Variants in NCF2 observed in about 807,000 individuals in gnomAD.
NCF2 encodes neutrophil cytosolic factor 2, also known as neutrophil cytosol factor 2.
NCF2 carries 45 observed loss-of-function variants against 70.9 expected under a neutral mutation model. That is an observed-to-expected ratio of 0.63 (90% CI 0.50 to 0.81). The LOEUF (loss-of-function observed/expected upper bound fraction) is 0.81, where lower values mean the gene tolerates loss of function less well. NCF2 is among the 40% of genes least tolerant of loss of function. The pLI is 0.00. For missense variants in NCF2, 522 were observed against 631.6 expected (o/e 0.83, Z 1.86); for synonymous variants, 203 against 233.6 (o/e 0.87, Z 1.19).
At chr1:183,582,288 A>G (rs1673154473) in intron 2 of NCF2, among the ~76,000 whole-genome samples, 1 of 152,206 alleles carries the variant, frequency 6.6e-6, no homozygotes, top group Non-Finnish European at 1.5e-5. Context: ...AGGTGCTGGC[A>G]GCTTCCTGCA....
chr1:183,569,440 C>T (rs1406653757), intron 6 of NCF2, among the ~76,000 whole-genome samples: 1 of 152,180 alleles, frequency 6.6e-6, no homozygotes, highest in East Asian at 1.9e-4. Flanking sequence ...GAGCTAGTTT[C>T]TGGAGGTTAG....
chr1:183,584,901 T>TA (rs1017939665), intron 2 of NCF2, among the ~76,000 whole-genome samples: 9 of 151,534 alleles, frequency 5.9e-5, no homozygotes, highest in African/African-American at 1.7e-4. Flanking sequence ...AAATTAAAAT[T>TA]AAAAAAAGAA....
At chr1:183,563,699 A>T (rs1672181485) in intron 11 of NCF2, 114 bp from the exon 12 acceptor site, 5 of 1,312,324 alleles carry the variant, frequency 3.8e-6, no homozygotes, top group Non-Finnish European at 5.4e-6. Flanking sequence ...AGCAGGGGAG[A>T]GGCCAGTAAG....
At chr1:183,575,688 T>G (rs1169541999) in intron 3 of NCF2, among the ~76,000 whole-genome samples, 1 of 152,164 alleles carries the variant, frequency 6.6e-6, no homozygotes, top group Non-Finnish European at 1.5e-5. Flanking sequence ...GTCTTGCTCT[T>G]GGGTCACTTG....
At chr1:183,589,537 TTGAG>T (rs1389343094) in intron 1 of NCF2, among the ~76,000 whole-genome samples, 34 of 152,330 alleles carry the variant, frequency 2.2e-4, no homozygotes, top group African/African-American at 7.5e-4. Context: ...ACTATGGTAT[TTGAG>T]TGAGAAAACA....
At chr1:183,576,036 C>T (rs774337221) in intron 3 of NCF2, among the ~76,000 whole-genome samples, 28 of 152,208 alleles carry the variant, frequency 1.8e-4, no homozygotes, top group Admixed American at 5.2e-4. Context: ...TGGTTCTCAG[C>T]CACCTTCTCT....
intron 2 of NCF2, among the ~76,000 whole-genome samples, chr1:183,578,525 C>T (rs755115727): frequency 3.3e-5 from 5 of 151,998 alleles, no homozygotes; most frequent in Admixed American, 1.3e-4. Context: ...CCACCACGCC[C>T]GGCTAATTTT....
chr1:183,564,269 A>T (rs1672209574), intron 10 of NCF2, among the ~76,000 whole-genome samples: 1 of 152,002 alleles, frequency 6.6e-6, no homozygotes, highest in Admixed American at 6.6e-5. Context: ...ATAGGTAATT[A>T]CCAAAGGACC....
rs1672329290 is a variant in NCF2, at chr1:183,566,975, G to A, written c.869C>T (p.Pro290Leu). The change falls in exon 9 of 15, where the codon CCC (proline) becomes CTC (leucine). Residue 290 changes from proline to leucine, a missense_variant. Transcript: ENST00000367535. Reference protein sequence around the residue: ...VMFNGQKGLVPCNYLEPVELR... With the variant: ...VMFNGQKGLVLCNYLEPVELR... ...CTCAACTGGTTCAAGGTAGTTGCAG[G>A]GAACAAGCCCCTTCTGCAGTGCAGC... is the stretch of plus-strand genomic sequence containing the variant. 6.2e-7 allele frequency: 1 copy of A among 1,614,176 alleles called. No individual in the cohort carries two copies. Among genetic ancestry groups the A allele is most frequent in the Non-Finnish European group, 8.5e-7 (1 of 1,180,040 alleles).
chr1:183,590,603 G>C (rs1371183463), upstream of NCF2: 4 of 504,114 alleles, frequency 7.9e-6, no homozygotes, highest in Non-Finnish European at 1.5e-5. Context: ...GGGGTGGAGT[G>C]TGGAGGAGAG....
chr1:183,573,398 T>G (rs1305023195), intron 4 of NCF2, 106 bp from the exon 5 acceptor site: 1 of 1,062,712 alleles, frequency 9.4e-7, no homozygotes, highest in Non-Finnish European at 1.5e-6. Flanking sequence ...GATAACCACA[T>G]AGAAGCCCTT....
chr1:183,599,484 C>CTTTCTT, the NCF2 span, among the ~76,000 whole-genome samples: 5 of 40,644 alleles, frequency 1.2e-4, no homozygotes, highest in Admixed American at 2.1e-4. Flanking sequence ...CTTTCTTTCT[C>CTTTCTT]TTTTCTTTCT....
In NCF2 at chr1:183,574,585, CCTT is replaced by C; in HGVS notation, c.400_402del (p.Lys134del). The C allele has an allele frequency of 6.2e-7, 1 of 1,614,162 alleles. No homozygotes were observed. The highest frequency in any genetic ancestry group is 8.5e-7 in the Non-Finnish European group (1 of 1,180,022). On this transcript the variant is annotated inframe_deletion, in exon 4 of 15. Coordinates refer to ENST00000367535, the MANE Select transcript of NCF2 (RefSeq NM_000433.4). ...TGTTCTTCAGCTTTTTTCCATTCCT[CCTT>C]CTTGGCATACATGAAAGCAATGTTA...
intron 13 of NCF2, among the ~76,000 whole-genome samples, chr1:183,562,936 A>G (rs1672132229): frequency 1.3e-5 from 2 of 152,088 alleles, no homozygotes. Context: ...ACAGTCAGGC[A>G]GGGAGCTGAT....
the NCF2 span, among the ~76,000 whole-genome samples, chr1:183,599,855 C>T: frequency 6.6e-6 from 1 of 152,056 alleles, no homozygotes; most frequent in African/African-American, 2.4e-5. Context: ...ACCCTGCCCT[C>T]TTTTTCTTTT....
chr1:183,564,960 G>A (rs924167165), intron 10 of NCF2, among the ~76,000 whole-genome samples: 5 of 152,318 alleles, frequency 3.3e-5, no homozygotes, highest in Middle Eastern at 3.4e-3. Context: ...GGAGCAGGGC[G>A]AGTTCATGGT....
At chr1:183,563,672 CA>C in intron 11 of NCF2, 87 bp from the exon 12 acceptor site, 1 of 1,536,174 alleles carries the variant, frequency 6.5e-7, no homozygotes, top group South Asian at 1.1e-5. Flanking sequence ...TGATTTGGCA[CA>C]GGGGGTACCC....
intron 2 of NCF2, among the ~76,000 whole-genome samples, chr1:183,585,614 A>C (rs1673310362): frequency 7.1e-6 from 1 of 140,922 alleles, no homozygotes. Flanking sequence ...GACAGGGCGA[A>C]ACTCCGTCTC....
At chr1:183,567,824 G>A (rs764805270) in intron 7 of NCF2, among the ~76,000 whole-genome samples, 13 of 152,164 alleles carry the variant, frequency 8.5e-5, no homozygotes, top group Admixed American at 2.0e-4. Flanking sequence ...TAGAGAGACC[G>A]TGAGCAGGGT....
Sources: allele counts gnomAD v4.1 joint callset (sites outside exome capture counted in the v4.1 genomes callset), GRCh38; gene constraint gnomAD v4.1.1; transcripts MANE v1.5; gene names NCBI Gene and HGNC (gene_info 2026-07-23, HGNC 2026-07-21).